The following PLIN1 variants were observed in gnomAD, a reference collection of about 807,000 sequenced individuals.
PLIN1 encodes the protein perilipin-1.
Under a neutral mutation model 45.8 loss-of-function variants are expected in PLIN1, and 37 were observed. The observed-to-expected ratio is 0.81, with a 90% CI of 0.62 to 1.06. The LOEUF (loss-of-function observed/expected upper bound fraction) is 1.06. Ranked by LOEUF, PLIN1 falls within the 50% of genes least tolerant of loss-of-function variation. The pLI, the probability that PLIN1 is intolerant of heterozygous loss-of-function variation, is 0.00. For missense variants in PLIN1, 776 were observed against 716.5 expected (o/e 1.08, Z -0.95); for synonymous variants, 340 against 309.2 (o/e 1.10, Z -1.05).
chr15:89,678,845 CT>C (rs919299728), intron 1 of PLIN1, among the ~76,000 whole-genome samples: 2 of 152,054 alleles, frequency 1.3e-5, no homozygotes, highest in Admixed American at 1.3e-4. Flanking sequence ...CCCTCTCCCC[CT>C]CTCCCTATCT....
At position 89,665,312 on chromosome 15, in the gene PLIN1, CTT is replaced by C. The variant is rs1964313014; in HGVS notation, c.*269_*270del. ...TGAAAAATCAAGTTAGGCAATTACTCTTATAGTAACAACCAAGCCATAGAATC... is the reference window on the plus strand; with the variant it reads ...TGAAAAATCAAGTTAGGCAATTACTCATAGTAACAACCAAGCCATAGAATC... On this transcript the variant is annotated 3_prime_UTR_variant, in exon 9 of 9. Transcript: ENST00000300055. 3.2e-6 allele frequency: 1 copy of C among 315,642 alleles called. No individual in the cohort carries two copies. The highest frequency in any genetic ancestry group is 4.5e-5 in the Admixed American group (1 of 22,082). The allele number at this position is 315,642 out of a possible 1,614,324, so 19.6% of individuals were successfully genotyped here.
At chr15:89,671,385 G>T in intron 4 of PLIN1, 97 bp downstream of exon 4, 1 of 892,078 alleles carries the variant, frequency 1.1e-6, no homozygotes. Flanking sequence ...ATGGGACACA[G>T]ACTTCCAGTC....
At chr15:89,677,627 G>C in intron 1 of PLIN1, 124 bp from the exon 2 acceptor site, 1 of 804,142 alleles carries the variant, frequency 1.2e-6, no homozygotes, top group Non-Finnish European at 2.2e-6. Flanking sequence ...GCCCTGAACA[G>C]AAGGCATTAG....
At chr15:89,674,123 C>G (rs1245958530) in intron 2 of PLIN1, among the ~76,000 whole-genome samples, 1 of 152,224 alleles carries the variant, frequency 6.6e-6, no homozygotes, top group African/African-American at 2.4e-5. Flanking sequence ...ATACGTGAAC[C>G]ACAGTCAGGG....
intron 2 of PLIN1, among the ~76,000 whole-genome samples, chr15:89,674,936 C>T (rs73485541): frequency 0.018 from 2,756 of 150,262 alleles, 88 homozygotes; most frequent in African/African-American, 0.064. Context: ...CCCGTCTCTA[C>T]AAAAAAAAAT....
In PLIN1 at chr15:89,665,648, G is replaced by A; in HGVS notation, c.1504C>T (p.Arg502Trp). ...AGGATGGGCTCCATGACGCTGGGCC[G>A]GAAGAAGCTGTCGCTGACCCTGCGC... is the stretch of plus-strand genomic sequence containing the variant. ...PKRRVSDSFF[R>W]PSVMEPILGR... The change falls in exon 9 of 9, where the codon CGG becomes TGG. Residue 502 changes from arginine to tryptophan, a missense_variant. By Grantham distance (101) the Arg-to-Trp change is moderately radical (BLOSUM62 -3). Transcript: ENST00000300055. The A allele has an allele frequency of 1.3e-6, 2 of 1,503,266 alleles. No homozygotes were observed. Among genetic ancestry groups the A allele is most frequent in the South Asian group, 1.2e-5 (1 of 80,546 alleles). The allele number at this position is 1,503,266 out of a possible 1,614,324, so 93.1% of individuals were successfully genotyped here. A position where few individuals can be genotyped will look rare whatever the true frequency, so the allele number is the denominator to read the frequency against.
At position 89,667,120 on chromosome 15, in the gene PLIN1, G is replaced by A. The variant is rs1364331752; in HGVS notation, c.1025C>T (p.Thr342Ile). The change falls in exon 8 of 9, where the codon ACC becomes ATC. Residue 342 changes from threonine to isoleucine, a missense_variant. Transcript: ENST00000300055. ...CACAGCCGAGATGGTGGTCTGGAGG[G>A]TCTTCTGCAGGGTATGTGCCACACC... ...LGGVAHTLQK[T>I]LQTTISAVTW... 3.1e-6 allele frequency: 5 copies of A among 1,614,002 alleles called. No individual in the cohort carries two copies. The highest frequency in any genetic ancestry group is 1.7e-4 in the Middle Eastern group (1 of 5,996).
At chr15:89,674,379 C>G (rs1285462373) in intron 2 of PLIN1, among the ~76,000 whole-genome samples, 1 of 152,194 alleles carries the variant, frequency 6.6e-6, no homozygotes, top group African/African-American at 2.4e-5. Flanking sequence ...ACTTGTGCCT[C>G]CTGGGTAGCT....
In PLIN1 at chr15:89,665,749, G is replaced by A. The variant is rs1410521666; in HGVS notation, c.1403C>T (p.Pro468Leu). 7.5e-7 allele frequency: 1 copy of A among 1,334,184 alleles called. No homozygotes were observed. Among genetic ancestry groups the A allele is most frequent in the Non-Finnish European group, 9.5e-7 (1 of 1,048,824 alleles). The allele number at this position is 1,334,184 out of a possible 1,614,324, so 82.6% of individuals were successfully genotyped here. The change falls in exon 9 of 9, where the codon CCG becomes CTG. Residue 468 changes from proline (P) to leucine (L), a missense_variant. Pro to Leu is a moderately conservative substitution (Grantham distance 98, BLOSUM62 -3). Transcript: ENST00000300055. Reference sequence around the variant, plus strand: ...CGTGGCGACTTCGTCCTCCAGGCCCGGGCCGGGGGGCGCGCCGGGGCTCTG... The same window carrying A: ...CGTGGCGACTTCGTCCTCCAGGCCCAGGCCGGGGGGCGCGCCGGGGCTCTG... ...SAQSPGAPPG[P>L]GLEDEVATPA...
At position 89,666,981 on chromosome 15, in the gene PLIN1, C is replaced by T. The variant is rs367721916; in HGVS notation, c.1164G>A (p.Lys388=). ...TGTCCACCACGTTGTCAGTAACGCC[C>T]TTCAGGGCATCTGATAGGGACATGG... The part of the protein sequence containing the change: ...GRAMSLSDAL[K]GVTDNVVDTV... The change falls in exon 8 of 9, where the codon AAG becomes AAA. Residue 388 remains lysine (K), a synonymous_variant. Transcript: ENST00000300055. The T allele has an allele frequency of 9.9e-6, 16 of 1,614,004 alleles. No individual in the cohort carries two copies. The highest frequency in any genetic ancestry group is 2.7e-5 in the African/African-American group (2 of 74,942).
At chr15:89,675,931 C>T (rs80350711) in intron 2 of PLIN1, among the ~76,000 whole-genome samples, 13,561 of 151,998 alleles carry the variant, frequency 0.089, 734 homozygotes, top group East Asian at 0.12. Flanking sequence ...GAAGTGAGGA[C>T]GAGGCGGGAT....
rs1055447634 is a variant in PLIN1 at position 89,665,988 on chromosome 15, C to T, written c.1210-46G>A. Reference sequence around the variant, plus strand: ...TTAGAGTCCTGGCTTGGCCCTGGGCCCTGCGCCTCTGACCCACCGCCCCTT... The same window carrying T: ...TTAGAGTCCTGGCTTGGCCCTGGGCTCTGCGCCTCTGACCCACCGCCCCTT... On this transcript the variant is annotated intron_variant, in intron 8 of 8. Coordinates refer to ENST00000300055, the MANE Select transcript of PLIN1 (RefSeq NM_002666.5). 10 of 1,378,356 alleles carry T rather than the reference C, an allele frequency of 7.3e-6. No homozygotes were observed. In the Admixed American group the frequency reaches 1.3e-4, roughly 17 times the overall value. The allele number at this position is 1,378,356 out of a possible 1,614,324, so 85.4% of individuals were successfully genotyped here. A position where few individuals can be genotyped will look rare whatever the true frequency, so the allele number is the denominator to read the frequency against.
At chr15:89,676,222 C>T (rs543493296) in intron 2 of PLIN1, among the ~76,000 whole-genome samples, 6 of 151,912 alleles carry the variant, frequency 3.9e-5, no homozygotes, top group Non-Finnish European at 7.4e-5. Flanking sequence ...ACAGAGCAGC[C>T]CACAATATCT....
In PLIN1 at chr15:89,665,855, G is replaced by C; in HGVS notation, c.1297C>G (p.Arg433Gly). The part of the protein sequence containing the change: ...PAEVERREAE[R>G]RASGAPSAGP... ...GCGGACGGCGCCCCAGACGCTCTGC[G>C]CTCCGCCTCCCGGCGCTCGACCTCG... Residue 433 changes from arginine (R) to glycine (G), a missense_variant, in exon 9 of 9, where the codon CGC becomes GGC. Coordinates refer to ENST00000300055, the MANE Select transcript of PLIN1 (RefSeq NM_002666.5). 6.7e-7 allele frequency: 1 copy of C among 1,490,548 alleles called. No individual in the cohort carries two copies. Among genetic ancestry groups the C allele is most frequent in the East Asian group, 2.8e-5 (1 of 36,134 alleles). 92.3% of individuals were successfully genotyped at this position (1,490,548 alleles called of 1,614,324 possible).
In PLIN1 at chr15:89,670,309, G is replaced by A. The variant is rs563650787; in HGVS notation, c.334-65C>T. The A allele has an allele frequency of 9.7e-5, 149 of 1,535,464 alleles. No individual in the cohort carries two copies. In the African/African-American group the frequency reaches 1.6e-3, roughly 16 times the overall value. ...CAGGCCCTACAAGGGCTGCCCTTCC[G>A]GGGTCTGGTGGCCTGAGCCCAGCTC... is the stretch of plus-strand genomic sequence containing the variant. On this transcript the variant is annotated intron_variant, in intron 4 of 8. Coordinates refer to ENST00000300055, the MANE Select transcript of PLIN1 (RefSeq NM_002666.5).
Position 89,667,816 on chromosome 15 carries a change from A to T in PLIN1, c.772-23T>A, listed in dbSNP as rs894162. 0.97 allele frequency: 1,506,503 copies of T among 1,546,456 alleles called. 736,687 individuals carry two copies. The highest frequency in any genetic ancestry group is 1 in the Non-Finnish European group (1,144,158 of 1,147,290). On this transcript the variant is annotated intron_variant, in intron 6 of 8. Transcript: ENST00000300055. The stretch of plus-strand genomic sequence containing the variant: ...GCTCTGAGGGAGGATGGCAGCAGAT[A>T]GCTGGCTCAACTGCCCCTGCTGAAG...
chr15:89,678,694 G>C (rs1964555691), intron 1 of PLIN1, among the ~76,000 whole-genome samples: 2 of 152,086 alleles, frequency 1.3e-5, no homozygotes, highest in African/African-American at 4.8e-5. Flanking sequence ...TGGGAGAATT[G>C]CTTGAGCCCA....
chr15:89,675,797 G>A (rs1964506985), intron 2 of PLIN1, among the ~76,000 whole-genome samples: 1 of 152,070 alleles, frequency 6.6e-6, no homozygotes, highest in South Asian at 2.1e-4. Flanking sequence ...TTGACAATCA[G>A]AAACAGGAAG....
intron 3 of PLIN1, among the ~76,000 whole-genome samples, chr15:89,672,214 C>T (rs2141534116): frequency 6.6e-6 from 1 of 152,330 alleles, no homozygotes; most frequent in Non-Finnish European, 1.5e-5. Flanking sequence ...AAAAGAGTTG[C>T]CCCCGGAGAG....
Sources: gnomAD v4.1 joint callset for allele counts (sites outside exome capture counted in the v4.1 genomes callset) on GRCh38, gnomAD v4.1.1 for gene constraint, MANE v1.5 for transcripts, NCBI Gene and HGNC (gene_info 2026-07-23, HGNC 2026-07-21) for gene names.